The following ZBTB2 variants were observed in gnomAD, a reference collection of about 807,000 sequenced individuals.
ZBTB2 encodes zinc finger and BTB domain containing 2, also known as zinc finger and BTB domain-containing protein 2.
A neutral mutation model predicts 39.5 loss-of-function variants in ZBTB2; 2 were observed. The ratio of observed to expected loss-of-function variants is 0.05; its 90% CI spans 0.02 to 0.16. The LOEUF (loss-of-function observed/expected upper bound fraction) is 0.16. Among genes scored for constraint, ZBTB2 ranks in the 10% least tolerant of loss-of-function variants. ZBTB2 has a pLI of 1.00. For synonymous variants in ZBTB2, 251 were observed against 256.6 expected (o/e 0.98, Z 0.21); for missense variants, 391 against 653.0 (o/e 0.60, Z 4.37).
chr6:151,375,311 CAT>C (rs201209699), intron 1 of ZBTB2, among the ~76,000 whole-genome samples: 15 of 152,134 alleles, frequency 9.9e-5, no homozygotes, highest in East Asian at 7.7e-4. Context: ...TCTAACAAAA[CAT>C]GTGCAGGACT....
chr6:151,390,966 G>A (rs979787412), intron 1 of ZBTB2, among the ~76,000 whole-genome samples: 5 of 151,026 alleles, frequency 3.3e-5, no homozygotes, highest in Admixed American at 2.6e-4. Context: ...CGGCGGGAAG[G>A]GAGGGACCGG....
chr6:151,366,551 G>C lies in ZBTB2; in HGVS notation c.515C>G (p.Pro172Arg). The C allele has an allele frequency of 6.2e-7, 1 of 1,614,128 alleles. No homozygotes were observed. The highest frequency in any genetic ancestry group is 8.5e-7 in the Non-Finnish European group (1 of 1,180,022). The change falls in exon 3 of 3, where the codon CCT (proline) becomes CGT (arginine). Residue 172 changes from proline (P) to arginine (R), a missense_variant. Physicochemically the swap from Pro to Arg is moderately radical, Grantham distance 103 (BLOSUM62 -2). Around this residue, in one of 7 missense-constraint regions of ZBTB2, gnomAD observed 175 missense variants for 198.6 expected, o/e 0.88. Coordinates refer to ENST00000325144, the MANE Select transcript of ZBTB2 (RefSeq NM_020861.3). The surrounding 1 kb of genome is among the most constrained non-coding windows in gnomAD (Gnocchi z 7.1). Reference protein sequence around the residue: ...QTSRISQEQVPEASQLSQLTS... With the variant: ...QTSRISQEQVREASQLSQLTS... ...CAGCTGGGAGAGCTGTGAGGCCTCA[G>C]GGACCTGCTCCTGGCTTATCCTGGA... is the stretch of plus-strand genomic sequence containing the variant.
At chr6:151,376,442 A>G (rs1452390419) in intron 1 of ZBTB2, among the ~76,000 whole-genome samples, 3 of 152,200 alleles carry the variant, frequency 2.0e-5, no homozygotes, top group Non-Finnish European at 4.4e-5. Flanking sequence ...ACTTTTGCAA[A>G]CTAGTCCTTT....
chr6:151,369,800 C>T (rs981730582), intron 2 of ZBTB2, among the ~76,000 whole-genome samples: 3 of 152,100 alleles, frequency 2.0e-5, no homozygotes, highest in Non-Finnish European at 4.4e-5. Context: ...TGGCAAAACC[C>T]TGTCTCTATT....
chr6:151,365,420 C>A lies in ZBTB2; in HGVS notation c.*101G>T, dbSNP rs1457461274. On this transcript the variant is annotated 3_prime_UTR_variant, in exon 3 of 3. Coordinates refer to ENST00000325144, the MANE Select transcript of ZBTB2 (RefSeq NM_020861.3). The surrounding 1 kb of genome is among the most constrained non-coding windows in gnomAD (Gnocchi z 5.6). ...GGGAAGAGGAGAAGAGAACAAGGAC[C>A]TGTTTGTATCATGCCATGGAGAACT... The A allele has an allele frequency of 7.4e-7, 1 of 1,351,976 alleles. No homozygotes were observed. Among genetic ancestry groups the A allele is most frequent in the Non-Finnish European group, 1.0e-6 (1 of 987,224 alleles). 83.7% of individuals were successfully genotyped at this position (1,351,976 alleles called of 1,614,324 possible). A position where few individuals can be genotyped will look rare whatever the true frequency, so the allele number is the denominator to read the frequency against.
intron 1 of ZBTB2, among the ~76,000 whole-genome samples, chr6:151,374,029 T>A (rs1778848221): frequency 6.6e-6 from 1 of 152,038 alleles, no homozygotes; most frequent in African/African-American, 2.4e-5. Flanking sequence ...GACCATCGAG[T>A]CTTTTAGTTT....
intron 2 of ZBTB2, 101 bp downstream of exon 2, chr6:151,373,364 G>A: frequency 7.7e-7 from 1 of 1,294,380 alleles, no homozygotes; most frequent in Non-Finnish European, 1.1e-6. Flanking sequence ...GGTCACCTAG[G>A]AGCTAGGAGA....
chr6:151,379,689 T>C (rs1340592069), intron 1 of ZBTB2, among the ~76,000 whole-genome samples: 1 of 149,634 alleles, frequency 6.7e-6, no homozygotes, highest in African/African-American at 2.5e-5. Flanking sequence ...AAACTCTTTG[T>C]ATATAAGGAA....
rs769750895 is a variant in ZBTB2 at position 151,365,841 on chromosome 6, C to T, written c.1225G>A (p.Val409Met). 1 of 1,614,182 alleles carries T rather than the reference C, an allele frequency of 6.2e-7. No individual in the cohort carries two copies. Among genetic ancestry groups the T allele is most frequent in the Non-Finnish European group, 8.5e-7 (1 of 1,180,038 alleles). Residue 409 changes from valine (V) to methionine (M), a missense_variant, in exon 3 of 3, where the codon GTG becomes ATG. Val to Met is a conservative substitution (Grantham distance 21). Around this residue, in one of 7 missense-constraint regions of ZBTB2, gnomAD observed 32 missense variants for 73.5 expected, o/e 0.44. Transcript: ENST00000325144. The surrounding 1 kb of genome is among the most constrained non-coding windows in gnomAD (Gnocchi z 5.6). Reference protein sequence around the residue: ...FCRANQAARHVCLNQSIDTYT... With the variant: ...FCRANQAARHMCLNQSIDTYT... ...GTGTCGATGCTCTGGTTGAGGCACA[C>T]GTGGCGGGCAGCCTGGTTGGCCCTG...
chr6:151,373,087 G>A (rs1045483844), intron 2 of ZBTB2, among the ~76,000 whole-genome samples: 1 of 146,388 alleles, frequency 6.8e-6, no homozygotes, highest in Non-Finnish European at 1.5e-5. Flanking sequence ...CCCGGGAGGC[G>A]GAGCTTGCAG....
chr6:151,385,983 C>A (rs777465247), intron 1 of ZBTB2, among the ~76,000 whole-genome samples: 1 of 152,076 alleles, frequency 6.6e-6, no homozygotes, highest in Non-Finnish European at 1.5e-5. Context: ...ATAAACAGCA[C>A]TTATTTTCAT....
Position 151,366,695 on chromosome 6 carries a change from T to C in ZBTB2, c.371A>G (p.Gln124Arg), listed in dbSNP as rs1415468635. ...ASQGAFSHPD[Q>R]VFPLASSLYG... ...CAATGAAGAAGCCAGTGGGAAAACTTGGTCAGGGTGAGAAAAGGCTCCCTG... is the reference window on the plus strand; with the variant it reads ...CAATGAAGAAGCCAGTGGGAAAACTCGGTCAGGGTGAGAAAAGGCTCCCTG... Residue 124 changes from glutamine (Q) to arginine (R), a missense_variant, in exon 3 of 3, where the codon CAA becomes CGA. Coordinates refer to ENST00000325144, the MANE Select transcript of ZBTB2 (RefSeq NM_020861.3). The surrounding 1 kb of genome is among the most constrained non-coding windows in gnomAD (Gnocchi z 7.1). 2.5e-6 allele frequency: 4 copies of C among 1,613,950 alleles called. No homozygotes were observed. The highest frequency in any genetic ancestry group is 1.7e-5 in the Admixed American group (1 of 59,988).
intron 1 of ZBTB2, among the ~76,000 whole-genome samples, chr6:151,390,280 G>C (rs1779256440): frequency 6.8e-6 from 1 of 147,688 alleles, no homozygotes; most frequent in Admixed American, 6.7e-5. Flanking sequence ...CGTCCCACCC[G>C]CCCCGGGGCG....
At chr6:151,367,968 T>G (rs948312534) in intron 2 of ZBTB2, among the ~76,000 whole-genome samples, 2 of 152,248 alleles carry the variant, frequency 1.3e-5, no homozygotes, top group African/African-American at 4.8e-5. Context: ...TATATCCACA[T>G]ATCACAAGGT....
intron 1 of ZBTB2, among the ~76,000 whole-genome samples, chr6:151,373,870 A>AAACAAAACAAAAC (rs1554336607): frequency 5.8e-4 from 72 of 123,600 alleles, no homozygotes; most frequent in African/African-American, 2.6e-3. Flanking sequence ...AAAAAAAAAA[A>AAACAAAACAAAAC]AAAAAAACCA....
intron 1 of ZBTB2, among the ~76,000 whole-genome samples, chr6:151,379,840 TTTTACATGAATGGGTG>T (rs1400481487): frequency 6.6e-6 from 1 of 152,066 alleles, no homozygotes; most frequent in Non-Finnish European, 1.5e-5. Flanking sequence ...AGGTTTTGGT[TTTTACATGAATGGGTG>T]TATATTATTT....
At position 151,389,818 on chromosome 6, in the gene ZBTB2, C is replaced by G. The variant is rs568105813; in HGVS notation, c.-13+1602G>C. Among the ~76,000 whole-genome samples, 24 of 152,292 alleles carry G rather than the reference C, an allele frequency of 1.6e-4. 1 individual carries two copies. Among genetic ancestry groups the G allele is most frequent in the Admixed American group, 7.8e-4 (12 of 15,300 alleles). ...TAGCTGCAGCTTCTCCCGGCCCAGG[C>G]ACTCGCCTGCTCTGCTACCCTCGCT... On this transcript the variant is annotated intron_variant, in intron 1 of 2. Transcript: ENST00000325144.
intron 1 of ZBTB2, among the ~76,000 whole-genome samples, chr6:151,385,322 T>C (rs1317889894): frequency 6.6e-6 from 1 of 152,252 alleles, no homozygotes; most frequent in African/African-American, 2.4e-5. Flanking sequence ...TGGTTTTCAT[T>C]GCCACTGTTT....
At position 151,366,172 on chromosome 6, in the gene ZBTB2, A is replaced by T. The variant is rs1390056371; in HGVS notation, c.894T>A (p.Asn298Lys). The change falls in exon 3 of 3, where the codon AAT (asparagine) becomes AAA (lysine). Residue 298 changes from asparagine (N) to lysine (K), a missense_variant. Physicochemically the swap from Asn to Lys is moderately conservative, Grantham distance 94. Around this residue, in one of 7 missense-constraint regions of ZBTB2, gnomAD observed 80 missense variants for 125.2 expected, o/e 0.64. Coordinates refer to ENST00000325144, the MANE Select transcript of ZBTB2 (RefSeq NM_020861.3). The surrounding 1 kb of genome is among the most constrained non-coding windows in gnomAD (Gnocchi z 7.1). ...ESRVPLTLCS[N>K]AADLGKDAME... ...TGGCATCTTTCCCGAGGTCAGCTGC[A>T]TTGCTACAGAGAGTCAGGGGGACGC... The T allele has an allele frequency of 6.2e-7, 1 of 1,614,140 alleles. No individual in the cohort carries two copies. Among genetic ancestry groups the T allele is most frequent in the Admixed American group, 1.7e-5 (1 of 60,018 alleles).
Sources: gnomAD v4.1 joint callset for allele counts (sites outside exome capture counted in the v4.1 genomes callset) on GRCh38, gnomAD v4.1.1 for gene constraint, gnomAD v4.1.1 regional missense constraint, Gnocchi (gnomAD v3.1) non-coding constraint, MANE v1.5 for transcripts, NCBI Gene and HGNC (gene_info 2026-07-23, HGNC 2026-07-21) for gene names.